Variants in TRAPPC11 observed in about 807,000 individuals in gnomAD.
The protein encoded by TRAPPC11 is foie gras homolog.
TRAPPC11 carries 104 observed loss-of-function variants against 151.2 expected under a neutral mutation model. That is an observed-to-expected ratio of 0.69 (90% confidence interval 0.59 to 0.81). The LOEUF (loss-of-function observed/expected upper bound fraction) is 0.81. Among genes scored for constraint, TRAPPC11 ranks in the 30% least tolerant of loss-of-function variants. The probability of loss-of-function intolerance (pLI) is 0.00; values close to 1 mark genes in which losing one functional copy is unlikely to be tolerated. For synonymous variants in TRAPPC11, 456 were observed against 472.3 expected (o/e 0.97, Z 0.45); for missense variants, 1,230 against 1,349.6 (o/e 0.91, Z 1.39).
intron 25 of TRAPPC11, chr4:183,700,794 A>T (rs963383316): frequency 3.3e-5 from 5 of 152,152 alleles, no homozygotes; most frequent in African/African-American, 1.2e-4. Flanking sequence ...AGCATCCCTC[A>T]TCTAAAAATC....
intron 20 of TRAPPC11, 86 bp downstream of exon 20, chr4:183,693,233 C>T (rs1736348875): frequency 3.0e-6 from 4 of 1,320,040 alleles, no homozygotes; most frequent in Non-Finnish European, 3.1e-6. Flanking sequence ...TCTCTCTTGT[C>T]CAGGCTGGAG....
intron 27 of TRAPPC11, chr4:183,705,935 T>G (rs1264090606): frequency 6.6e-6 from 1 of 152,216 alleles, no homozygotes; most frequent in African/African-American, 2.4e-5. Flanking sequence ...TTTATAGTGC[T>G]CACTTCAACA....
chr4:183,688,269 A>G (rs997759937), intron 18 of TRAPPC11, among the ~76,000 whole-genome samples: 1 of 152,178 alleles, frequency 6.6e-6, no homozygotes, highest in African/African-American at 2.4e-5. Context: ...TGCCAGAAAA[A>G]AGGGAGGGAG....
At chr4:183,697,364 A>G in intron 23 of TRAPPC11, 139 bp from the exon 24 acceptor site, 5 of 810,038 alleles carry the variant, frequency 6.2e-6, no homozygotes, top group South Asian at 1.8e-5. Flanking sequence ...GATTTTTACA[A>G]ATGTTATCTA....
chr4:183,681,163 T>C (rs1053520707), intron 10 of TRAPPC11, among the ~76,000 whole-genome samples: 4 of 151,638 alleles, frequency 2.6e-5, no homozygotes, highest in Non-Finnish European at 5.9e-5. Context: ...TATATTTATA[T>C]TGTTACAGTA....
At chr4:183,679,908 G>A (rs1416638555) in intron 9 of TRAPPC11, among the ~76,000 whole-genome samples, 1 of 152,136 alleles carries the variant, frequency 6.6e-6, no homozygotes, top group Admixed American at 6.5e-5. Flanking sequence ...ATAAAGACTT[G>A]TTAGAAGAGA....
intron 10 of TRAPPC11, among the ~76,000 whole-genome samples, chr4:183,680,672 G>GGA (rs897992065): frequency 7.0e-6 from 1 of 143,184 alleles, no homozygotes; most frequent in Non-Finnish European, 1.5e-5. Flanking sequence ...TTTCCTGTAT[G>GGA]GAGACTCTTT....
chr4:183,708,763 G>A (rs1357405513), intron 29 of TRAPPC11, among the ~76,000 whole-genome samples, 189 bp downstream of exon 29: 1 of 152,092 alleles, frequency 6.6e-6, no homozygotes, highest in African/African-American at 2.4e-5. Context: ...TTCAAAGATT[G>A]TATTTCCTTA....
intron 17 of TRAPPC11, 57 bp from the exon 18 acceptor site, chr4:183,686,561 T>C (rs1329212546): frequency 6.3e-7 from 1 of 1,590,104 alleles, no homozygotes; most frequent in African/African-American, 1.3e-5. Context: ...TAACAGGATG[T>C]GTGTGGGTCG....
rs776983927 is a variant in TRAPPC11 at position 183,693,771 on chromosome 4, T to A, written c.2386+34T>A. On this transcript the variant is annotated intron_variant, in intron 21 of 29. Transcript: ENST00000334690. ...TCCTTTTTGTAAGTTTGATCAGTATTAATCCAACATTAAATAAGCATCAGT... is the reference window on the plus strand; with the variant it reads ...TCCTTTTTGTAAGTTTGATCAGTATAAATCCAACATTAAATAAGCATCAGT... 2.5e-6 allele frequency: 4 copies of A among 1,608,348 alleles called. No individual in the cohort carries two copies. In the African/African-American group the frequency reaches 5.4e-5, roughly 22 times the overall value.
chr4:183,695,042 G>A (rs899297088), intron 23 of TRAPPC11, among the ~76,000 whole-genome samples: 3 of 148,462 alleles, frequency 2.0e-5, no homozygotes, highest in Admixed American at 6.8e-5. Flanking sequence ...TCCACCTCCC[G>A]GGTTCAAGCG....
At chr4:183,673,049 G>A (rs983271730) in intron 5 of TRAPPC11, among the ~76,000 whole-genome samples, 48 of 147,322 alleles carry the variant, frequency 3.3e-4, no homozygotes, top group Admixed American at 2.6e-3. Context: ...TGCAAGCTCC[G>A]TCTCCTGGGT....
chr4:183,683,745 A>T, intron 11 of TRAPPC11: 1 of 532,714 alleles, frequency 1.9e-6, no homozygotes, highest in Non-Finnish European at 3.4e-6. Flanking sequence ...CAGATCGTTG[A>T]TTCCAGTAGG....
chr4:183,671,900 A>G (rs1325236058), intron 5 of TRAPPC11, among the ~76,000 whole-genome samples: 1 of 152,242 alleles, frequency 6.6e-6, no homozygotes, highest in East Asian at 1.9e-4. Flanking sequence ...AGCAGCTCGT[A>G]ATTAAAAGTT....
chr4:183,669,846 A>G (rs568463888), intron 5 of TRAPPC11, among the ~76,000 whole-genome samples: 14 of 152,356 alleles, frequency 9.2e-5, no homozygotes, highest in African/African-American at 3.4e-4. Context: ...TTAGGCGGTC[A>G]TGGATTCAAG....
intron 2 of TRAPPC11, among the ~76,000 whole-genome samples, chr4:183,665,119 G>A (rs1292298026): frequency 7.1e-6 from 1 of 139,994 alleles, no homozygotes; most frequent in Admixed American, 7.3e-5. Flanking sequence ...TTTTGAGACG[G>A]AGTCTCGCTC....
intron 18 of TRAPPC11, among the ~76,000 whole-genome samples, chr4:183,690,514 G>C (rs1027982070): frequency 2.0e-5 from 3 of 152,200 alleles, no homozygotes; most frequent in African/African-American, 7.2e-5. Context: ...TAGTGGACTT[G>C]TCCTCTAGAC....
Position 183,697,317 on chromosome 4 carries a change from G to GA in TRAPPC11, c.2629-174dup, listed in dbSNP as rs375942520. On this transcript the variant is annotated intron_variant, in intron 23 of 29. Transcript: ENST00000334690. ...CAGAGTGAGACCCTGTCTCCCAAAG[G>GA]AAAAAAAAAAAATTAGTACTCAGTT... Among the ~76,000 whole-genome samples, 68 of 143,188 alleles carry GA rather than the reference G, an allele frequency of 4.7e-4. 1 individual carries two copies. The South Asian group carries it at 8.7e-3, about 18-fold the overall frequency. 93.9% of individuals were successfully genotyped at this position (143,188 alleles called of 152,430 possible).
At chr4:183,672,366 CA>C (rs200994191) in intron 5 of TRAPPC11, among the ~76,000 whole-genome samples, 9 of 151,310 alleles carry the variant, frequency 5.9e-5, no homozygotes, top group South Asian at 2.1e-4. Context: ...TATTGTAGAA[CA>C]AAAAAAACTG....
Sources: gnomAD v4.1 joint callset for allele counts (sites outside exome capture counted in the v4.1 genomes callset) on GRCh38, gnomAD v4.1.1 for gene constraint, MANE v1.5 for transcripts, NCBI Gene and HGNC (gene_info 2026-07-23, HGNC 2026-07-21) for gene names.